QRSL1: variants seen among roughly 807,000 people sequenced by gnomAD.
QRSL1 encodes glutamyl-tRNA(Gln) amidotransferase subunit A, mitochondrial.
Under a neutral mutation model 61.6 loss-of-function variants are expected in QRSL1, and 54 were observed. The observed-to-expected ratio is 0.88, with a 90% CI of 0.70 to 1.10. The LOEUF (loss-of-function observed/expected upper bound fraction) is 1.10. Ranked by LOEUF, QRSL1 falls within the 50% of genes least tolerant of loss-of-function variation. QRSL1 has a pLI of 0.00. For missense variants in QRSL1, 505 were observed against 622.6 expected, an observed-to-expected ratio of 0.81 and a Z score of 2.01; for synonymous variants, 228 against 225.7, an observed-to-expected ratio of 1.01 and a Z score of -0.09.
At chr6:106,630,991 C>G (rs945981437) in intron 1 of QRSL1, among the ~76,000 whole-genome samples, 3 of 152,180 alleles carry the variant, frequency 2.0e-5, no homozygotes, top group Non-Finnish European at 4.4e-5. Context: ...CTTTGGGAGG[C>G]CGAGGCGGGT....
chr6:106,630,211 G>C (rs775630736), intron 1 of QRSL1, among the ~76,000 whole-genome samples: 1 of 152,174 alleles, frequency 6.6e-6, no homozygotes, highest in Non-Finnish European at 1.5e-5. Flanking sequence ...TGGACGTCGT[G>C]TTTGAATTCT....
chr6:106,667,483 T>A lies in QRSL1; in HGVS notation c.*1481T>A, dbSNP rs1381978370. On this transcript the variant is annotated 3_prime_UTR_variant, in exon 11 of 11. Coordinates refer to ENST00000369046, the MANE Select transcript of QRSL1 (RefSeq NM_018292.5). ...CAGGTATTTTAATCTAGCACTTACA[T>A]ATTGTTGATAAATGAAAGCTGAATT... is the stretch of plus-strand genomic sequence containing the variant. The A allele has an allele frequency of 6.6e-6, 1 of 152,218 alleles. No individual in the cohort carries two copies. Among genetic ancestry groups the A allele is most frequent in the East Asian group, 1.9e-4 (1 of 5,196 alleles). The allele number at this position is 152,218 out of a possible 1,614,324, so 9.4% of individuals were successfully genotyped here.
In QRSL1 at chr6:106,654,898, G is replaced by T. The variant is rs540745825; in HGVS notation, c.1018G>T (p.Ala340Ser). 4.4e-6 allele frequency: 7 copies of T among 1,606,498 alleles called. No individual in the cohort carries two copies. In the South Asian group the frequency reaches 7.8e-5, roughly 18 times the overall value. Residue 340 changes from alanine to serine, a missense_variant, in exon 8 of 11, where the codon GCA becomes TCA. Transcript: ENST00000369046. The part of the protein sequence containing the change: ...LCTSEVASNM[A>S]RFDGLQYGHR... ...CACATCAGAAGTGGCATCGAATATG[G>T]CAAGATTTGATGGGCTACAATATGG...
intron 3 of QRSL1, chr6:106,642,768 G>A (rs771239301): frequency 2.8e-5 from 21 of 737,642 alleles, no homozygotes; most frequent in Middle Eastern, 3.1e-4. Context: ...TTCCTGAAAC[G>A]CATTGAGGAA....
intron 1 of QRSL1, among the ~76,000 whole-genome samples, chr6:106,631,706 T>G (rs1241698157): frequency 6.6e-6 from 1 of 152,206 alleles, no homozygotes; most frequent in East Asian, 1.9e-4. Context: ...TATGTATTTA[T>G]GGGGCACATG....
chr6:106,665,180 G>T (rs569532520), intron 10 of QRSL1, among the ~76,000 whole-genome samples: 28 of 152,208 alleles, frequency 1.8e-4, no homozygotes, highest in African/African-American at 6.3e-4. Context: ...TAACAAGATG[G>T]TCTGGGATTT....
In QRSL1 at chr6:106,661,709, T is replaced by G. The variant is rs1017985465; in HGVS notation, c.1161-1271T>G. On this transcript the variant is annotated intron_variant, in intron 9 of 10. Transcript: ENST00000369046. Reference sequence around the variant, plus strand: ...TTCTTTTTTTTTTTTTTTTTTTTTTTTTTTTTTTTTTTGAGACGGAGTTCC... The same window carrying G: ...TTCTTTTTTTTTTTTTTTTTTTTTTGTTTTTTTTTTTTGAGACGGAGTTCC... Among the ~76,000 whole-genome samples, 90 of 121,660 alleles carry G rather than the reference T, an allele frequency of 7.4e-4. 2 individuals are homozygous for G. The highest frequency in any genetic ancestry group is 3.1e-3 in the African/African-American group (87 of 28,520). The allele number at this position is 121,660 out of a possible 152,430, so 79.8% of individuals were successfully genotyped here.
intron 3 of QRSL1, 136 bp from the exon 4 acceptor site, chr6:106,642,858 C>T (rs566236908): frequency 7.1e-5 from 55 of 777,764 alleles, no homozygotes; most frequent in Middle Eastern, 2.8e-4. Context: ...CCCAGAGAAG[C>T]GCACTGTGTG....
chr6:106,655,155 CTTG>C (rs1435469043), intron 8 of QRSL1, among the ~76,000 whole-genome samples: 3 of 152,126 alleles, frequency 2.0e-5, no homozygotes, highest in East Asian at 1.9e-4. Context: ...GGGATAGTAT[CTTG>C]TTGTCATATG....
chr6:106,660,718 G>A (rs1777342757), intron 9 of QRSL1, among the ~76,000 whole-genome samples: 1 of 151,964 alleles, frequency 6.6e-6, no homozygotes, highest in African/African-American at 2.4e-5. Context: ...CTGGCTCACA[G>A]TTCTGGAGGC....
At chr6:106,639,124 T>TTTG (rs1554200736) in intron 1 of QRSL1, among the ~76,000 whole-genome samples, 1 of 35,454 alleles carries the variant, frequency 2.8e-5, no homozygotes, top group African/African-American at 8.5e-5. Context: ...TTGTTGTTTT[T>TTTG]TTTTTTTTTT....
In QRSL1 at chr6:106,629,584, A is replaced by T; in HGVS notation, c.-98A>T. On this transcript the variant is annotated 5_prime_UTR_variant, in exon 1 of 11. Transcript: ENST00000369046. ...ACTCGGTGTTGAAGGGCTCAGTGACAATTAAAGATGGCTGCGCCCATGTAA... is the reference window on the plus strand; with the variant it reads ...ACTCGGTGTTGAAGGGCTCAGTGACTATTAAAGATGGCTGCGCCCATGTAA... 2 of 1,450,290 alleles carry T rather than the reference A, an allele frequency of 1.4e-6. No individual in the cohort carries two copies. The highest frequency in any genetic ancestry group is 1.9e-6 in the Non-Finnish European group (2 of 1,064,078). The allele number at this position is 1,450,290 out of a possible 1,614,324, so 89.8% of individuals were successfully genotyped here. A position where few individuals can be genotyped will look rare whatever the true frequency, so the allele number is the denominator to read the frequency against.
chr6:106,630,700 T>C (rs2114693910), intron 1 of QRSL1, among the ~76,000 whole-genome samples: 1 of 152,318 alleles, frequency 6.6e-6, no homozygotes, highest in South Asian at 2.1e-4. Flanking sequence ...CTCCAGGTGA[T>C]TTCTGGTAAG....
intron 10 of QRSL1, among the ~76,000 whole-genome samples, chr6:106,665,512 G>C (rs1332635077): frequency 2.0e-5 from 3 of 152,274 alleles, no homozygotes; most frequent in Non-Finnish European, 4.4e-5. Flanking sequence ...CAGAAGACTG[G>C]TTTACTCAAT....
In QRSL1 at chr6:106,660,834, G is replaced by A. The variant is rs562788348; in HGVS notation, c.1161-2146G>A. ...TGGGGAGAAAAAGAGGGAGAGAAAG[G>A]GAAAGCACATGGGGGGCTGAACTTT... On this transcript the variant is annotated intron_variant, in intron 9 of 10. Transcript: ENST00000369046. Among the ~76,000 whole-genome samples the A allele has an allele frequency of 2.0e-4, 31 of 152,176 alleles. 1 individual carries two copies. In the South Asian group the frequency reaches 6.2e-3, roughly 31 times the overall value.
chr6:106,644,584 G>A (rs958095207), intron 4 of QRSL1, among the ~76,000 whole-genome samples: 28 of 152,220 alleles, frequency 1.8e-4, no homozygotes, highest in South Asian at 4.1e-4. Context: ...GCAATGGCAC[G>A]ATCTCGGCTC....
At chr6:106,639,144 T>TTTTTTTTTTTTTTTTTTTTC (rs1776976366) in intron 1 of QRSL1, among the ~76,000 whole-genome samples, 1 of 147,766 alleles carries the variant, frequency 6.8e-6, no homozygotes, top group Admixed American at 6.8e-5. Flanking sequence ...TTTTTTTTTT[T>TTTTTTTTTTTTTTTTTTTTC]TTGACAGAGT....
intron 1 of QRSL1, among the ~76,000 whole-genome samples, chr6:106,638,134 A>G (rs772854644): frequency 6.6e-6 from 1 of 152,156 alleles, no homozygotes; most frequent in Non-Finnish European, 1.5e-5. Flanking sequence ...TAGCCATGGG[A>G]TGGGCCTGCC....
chr6:106,654,384 C>A (rs141269675), intron 7 of QRSL1, among the ~76,000 whole-genome samples: 1 of 151,940 alleles, frequency 6.6e-6, no homozygotes, highest in Admixed American at 6.6e-5. Flanking sequence ...TAACAGGGTA[C>A]CTGATACATG....
Sources: gnomAD v4.1 joint callset for allele counts (sites outside exome capture counted in the v4.1 genomes callset) on GRCh38, gnomAD v4.1.1 for gene constraint, MANE v1.5 for transcripts, NCBI Gene and HGNC (gene_info 2026-07-23, HGNC 2026-07-21) for gene names.